Variants in ARHGEF7 observed in about 807,000 individuals in gnomAD.
ARHGEF7 encodes the protein PAK-interacting exchange factor beta.
In ARHGEF7, 33 loss-of-function variants were observed where a neutral mutation model predicts 109.8. That is an observed-to-expected ratio of 0.30 (90% CI 0.23 to 0.40). ARHGEF7 has a LOEUF of 0.40. ARHGEF7 is among the 10% of genes least tolerant of loss of function. The pLI is 1.00. For missense variants in ARHGEF7, 938 were observed against 1,098.5 expected, an observed-to-expected ratio of 0.85 and a Z score of 2.07; for synonymous variants, 458 against 424.6, an observed-to-expected ratio of 1.08 and a Z score of -0.97.
intron 1 of ARHGEF7, among the ~76,000 whole-genome samples, chr13:111,139,013 T>C (rs2075220219): frequency 1.3e-5 from 2 of 152,058 alleles, no homozygotes; most frequent in African/African-American, 4.8e-5. Context: ...CAAAAAGCAA[T>C]GACAGGTTCT....
intron 6 of ARHGEF7, 59 bp downstream of exon 6, chr13:111,233,352 C>A: frequency 1.5e-6 from 2 of 1,342,258 alleles, no homozygotes; most frequent in Non-Finnish European, 2.1e-6. Flanking sequence ...TAAAACTCAG[C>A]AATGTAGAAT....
At chr13:111,116,288 C>T (rs1482848912) in intron 1 of ARHGEF7, 1 of 123,936 alleles carries the variant, frequency 8.1e-6, no homozygotes, top group Non-Finnish European at 1.8e-5. Flanking sequence ...TCCTGGCACT[C>T]TTCAAGGCTT....
Position 111,272,554 on chromosome 13 carries a change from C to T in ARHGEF7, c.1074-1260C>T, listed in dbSNP as rs891350995. Among the ~76,000 whole-genome samples the T allele has an allele frequency of 6.6e-6, 1 of 152,106 alleles. No individual in the cohort carries two copies. Among genetic ancestry groups the T allele is most frequent in the Non-Finnish European group, 1.5e-5 (1 of 68,016 alleles). ...AACCTCTAGACTAGGAAAATTTGTTCCTAGGATTTGTGCCATGGGTATCAT... is the reference window on the plus strand; with the variant it reads ...AACCTCTAGACTAGGAAAATTTGTTTCTAGGATTTGTGCCATGGGTATCAT... On this transcript the variant is annotated intron_variant, in intron 9 of 21. Transcript: ENST00000646102. This position sits in a 1 kb window ranked among gnomAD's most constrained non-coding sequence, Gnocchi z 5.2.
At chr13:111,117,890 C>T (rs1308854968) in intron 1 of ARHGEF7, among the ~76,000 whole-genome samples, 1 of 152,226 alleles carries the variant, frequency 6.6e-6, no homozygotes, top group Non-Finnish European at 1.5e-5. Context: ...TGTTTTCATG[C>T]TTACCAGATA....
chr13:111,254,172 A>T, intron 8 of ARHGEF7, among the ~76,000 whole-genome samples: 1 of 152,350 alleles, frequency 6.6e-6, no homozygotes. Context: ...TTTCTGTAAG[A>T]TGATAGTGAA....
chr13:111,250,321 C>T (rs1304298070), intron 8 of ARHGEF7, among the ~76,000 whole-genome samples: 4 of 152,192 alleles, frequency 2.6e-5, no homozygotes, highest in East Asian at 1.9e-4. Flanking sequence ...TGCGTGCATT[C>T]GGCGCTTGTG....
At chr13:111,147,858 C>T (rs572666950) in intron 1 of ARHGEF7, among the ~76,000 whole-genome samples, 3 of 151,940 alleles carry the variant, frequency 2.0e-5, no homozygotes, top group Admixed American at 6.6e-5. Context: ...CCACTACACC[C>T]GGCTAATTTT....
chr13:111,256,505 A>T (rs1486924097), intron 8 of ARHGEF7, among the ~76,000 whole-genome samples: 1 of 152,140 alleles, frequency 6.6e-6, no homozygotes, highest in Non-Finnish European at 1.5e-5. Flanking sequence ...CTGCCTCTGA[A>T]GTCAGCCTTT....
chr13:111,224,515 G>A (rs929001204), intron 5 of ARHGEF7, among the ~76,000 whole-genome samples: 2 of 152,172 alleles, frequency 1.3e-5, no homozygotes, highest in African/African-American at 4.8e-5. Flanking sequence ...CTGTTGTAAA[G>A]ACATTTCTTT....
At chr13:111,249,341 A>G (rs2089411926) in intron 8 of ARHGEF7, among the ~76,000 whole-genome samples, 1 of 152,070 alleles carries the variant, frequency 6.6e-6, no homozygotes, top group African/African-American at 2.4e-5. Flanking sequence ...CTCAATCGAT[A>G]GAGGTTTACG....
At chr13:111,246,908 T>C (rs1036691053) in intron 8 of ARHGEF7, among the ~76,000 whole-genome samples, 4 of 152,344 alleles carry the variant, frequency 2.6e-5, no homozygotes, top group East Asian at 3.9e-4. Context: ...CGAATTATTA[T>C]CCTCACATTA....
chr13:111,127,014 C>T (rs954990961), intron 1 of ARHGEF7, among the ~76,000 whole-genome samples: 1 of 152,138 alleles, frequency 6.6e-6, no homozygotes, highest in African/African-American at 2.4e-5. Flanking sequence ...GAATCAATAA[C>T]ATTGATAAAC....
rs1461653947 is a variant in ARHGEF7 at position 111,254,651 on chromosome 13, G to A, written c.950+10357G>A. Among the ~76,000 whole-genome samples, 9 of 110,652 alleles carry A rather than the reference G, an allele frequency of 8.1e-5. No individual in the cohort carries two copies. The South Asian group carries it at 3.4e-3, about 42-fold the overall frequency. 72.6% of individuals were successfully genotyped at this position (110,652 alleles called of 152,430 possible). On this transcript the variant is annotated intron_variant, in intron 8 of 21. Transcript: ENST00000646102. ...GAAGGCCGGGCCCAGAAGAGGATTC[G>A]GGCTAAGGCGCTGAGTCGCTAACGT...
intron 8 of ARHGEF7, among the ~76,000 whole-genome samples, chr13:111,260,280 G>T (rs1315030233): frequency 6.6e-6 from 1 of 152,196 alleles, no homozygotes; most frequent in Non-Finnish European, 1.5e-5. Flanking sequence ...AAAACACGAA[G>T]TAGATTTAAC....
chr13:111,300,970 C>T (rs145135139), intron 20 of ARHGEF7, 123 bp downstream of exon 20: 38,779 of 523,706 alleles, frequency 0.074, 2,158 homozygotes, highest in South Asian at 0.18. Flanking sequence ...TTTTTTGAGA[C>T]GGAGTGTCAC....
intron 2 of ARHGEF7, among the ~76,000 whole-genome samples, chr13:111,204,139 A>G (rs964405343): frequency 2.0e-5 from 3 of 152,140 alleles, no homozygotes; most frequent in African/African-American, 7.2e-5. Context: ...AGCAAGATGA[A>G]TAAGGATTAG....
chr13:111,217,893 G>T lies in ARHGEF7; in HGVS notation c.670+13G>T, dbSNP rs756293293. On this transcript the variant is annotated intron_variant, in intron 5 of 21. Coordinates refer to ENST00000646102, the MANE Select transcript of ARHGEF7 (RefSeq NM_001354046.2). ...GTCAAGGCCAGCGGTAAGTGGCCGAGCCTGGGCTGTGTGTGGCTTTTTGCG... is the reference window on the plus strand; with the variant it reads ...GTCAAGGCCAGCGGTAAGTGGCCGATCCTGGGCTGTGTGTGGCTTTTTGCG... The T allele has an allele frequency of 2.5e-6, 4 of 1,597,722 alleles. No homozygotes were observed. Among genetic ancestry groups the T allele is most frequent in the Non-Finnish European group, 3.4e-6 (4 of 1,169,174 alleles).
intron 5 of ARHGEF7, among the ~76,000 whole-genome samples, chr13:111,226,282 T>C (rs2153515514): frequency 6.6e-6 from 1 of 152,256 alleles, no homozygotes; most frequent in East Asian, 1.9e-4. Context: ...CAGAACATGA[T>C]GAAAGTGCAG....
intron 8 of ARHGEF7, among the ~76,000 whole-genome samples, chr13:111,252,672 A>T (rs1247662893): frequency 6.6e-6 from 1 of 152,204 alleles, no homozygotes; most frequent in African/African-American, 2.4e-5. Flanking sequence ...TATTTATTGA[A>T]TTCTTAGTGT....
Sources: gnomAD v4.1 joint callset for allele counts (sites outside exome capture counted in the v4.1 genomes callset) on GRCh38, gnomAD v4.1.1 for gene constraint, Gnocchi (gnomAD v3.1) non-coding constraint, MANE v1.5 for transcripts, NCBI Gene and HGNC (gene_info 2026-07-23, HGNC 2026-07-21) for gene names.